The following ZNF804B variants were observed in gnomAD, a reference collection of about 807,000 sequenced individuals.
ZNF804B encodes zinc finger 804B.
Under a neutral mutation model 101.4 loss-of-function variants are expected in ZNF804B, and 80 were observed. The ratio of observed to expected loss-of-function variants is 0.79; its 90% CI spans 0.66 to 0.95. The LOEUF is 0.95. ZNF804B is among the 40% of genes least tolerant of loss of function. The pLI, the probability that ZNF804B is intolerant of heterozygous loss-of-function variation, is 0.00. For missense variants in ZNF804B, 1,673 were observed against 1,561.9 expected, an observed-to-expected ratio of 1.07 and a Z score of -1.20; for synonymous variants, 622 against 558.8, an observed-to-expected ratio of 1.11 and a Z score of -1.59.
chr7:88,808,541 A>G (rs1790727608), intron 1 of ZNF804B, among the ~76,000 whole-genome samples: 1 of 152,096 alleles, frequency 6.6e-6, no homozygotes, highest in Non-Finnish European at 1.5e-5. Flanking sequence ...CTCTAAATTG[A>G]ACAGTGTACT....
chr7:89,176,365 T>G (rs1791317715), intron 1 of ZNF804B, among the ~76,000 whole-genome samples: 1 of 151,998 alleles, frequency 6.6e-6, no homozygotes, highest in African/African-American at 2.4e-5. Flanking sequence ...TATGATTGTG[T>G]TTTTCATTCT....
At chr7:89,303,587 C>T (rs1049439669) in intron 2 of ZNF804B, among the ~76,000 whole-genome samples, 1 of 151,856 alleles carries the variant, frequency 6.6e-6, no homozygotes, top group African/African-American at 2.4e-5. Flanking sequence ...TTATCTTAAA[C>T]ATCAGGATGT....
At chr7:88,865,680 C>G (rs1014249287) in intron 1 of ZNF804B, among the ~76,000 whole-genome samples, 3 of 152,194 alleles carry the variant, frequency 2.0e-5, no homozygotes, top group Non-Finnish European at 4.4e-5. Flanking sequence ...CTATGCCTCA[C>G]CCTTGACACA....
chr7:89,098,823 A>T (rs972370266), intron 1 of ZNF804B, among the ~76,000 whole-genome samples: 2 of 151,798 alleles, frequency 1.3e-5, no homozygotes, highest in African/African-American at 4.8e-5. Context: ...GCCAAAATAA[A>T]TAAGTTAATA....
At chr7:88,981,496 G>A (rs1437203284) in intron 1 of ZNF804B, among the ~76,000 whole-genome samples, 1 of 152,010 alleles carries the variant, frequency 6.6e-6, no homozygotes, top group African/African-American at 2.4e-5. Flanking sequence ...TCCCTTGACT[G>A]CCTAGCTGGT....
In ZNF804B at chr7:88,903,513, A is replaced by T. The variant is rs193224146; in HGVS notation, c.108+143429A>T. ...TTGAATCGTAGTTCTGTTGGAAGTT[A>T]TTTGAGAAATCTCCAAAACTGCTTT... On this transcript the variant is annotated intron_variant, in intron 1 of 3. Coordinates refer to ENST00000333190, the MANE Select transcript of ZNF804B (RefSeq NM_181646.5). 1.6e-4 allele frequency among the ~76,000 whole-genome samples: 25 copies of T among 152,200 alleles called. No homozygotes were observed. In the East Asian group the frequency reaches 4.6e-3, roughly 28 times the overall value.
chr7:89,218,167 A>C lies in ZNF804B; in HGVS notation c.121A>C (p.Lys41Gln). 5.6e-6 allele frequency: 9 copies of C among 1,612,232 alleles called. No homozygotes were observed. The highest frequency in any genetic ancestry group is 7.6e-6 in the Non-Finnish European group (9 of 1,179,420). ...NGSPSPDFAE[K>Q]KSTAKALEDV... ...TTTTTTCTTAAAGGATTTTGCAGAA[A>C]AGAAGTCCACAGCAAAGGCCCTGGA... The change falls in exon 2 of 4, where the codon AAG becomes CAG. Residue 41 changes from lysine to glutamine, a missense_variant. By Grantham distance (53) the Lys-to-Gln change is moderately conservative. Transcript: ENST00000333190.
At chr7:89,077,370 A>C (rs946296505) in intron 1 of ZNF804B, among the ~76,000 whole-genome samples, 1 of 152,156 alleles carries the variant, frequency 6.6e-6, no homozygotes, top group Admixed American at 6.6e-5. Flanking sequence ...TCAAATGTAG[A>C]TGTTTCTGAT....
chr7:89,014,801 G>C (rs995906712), intron 1 of ZNF804B, among the ~76,000 whole-genome samples: 1 of 152,092 alleles, frequency 6.6e-6, no homozygotes, highest in African/African-American at 2.4e-5. Context: ...CATTTCATAG[G>C]TTGGCTTTCC....
intron 2 of ZNF804B, among the ~76,000 whole-genome samples, chr7:89,280,549 G>C (rs1011722761): frequency 1.3e-5 from 2 of 151,968 alleles, no homozygotes; most frequent in Non-Finnish European, 2.9e-5. Context: ...TCAAATAGAC[G>C]CAATAAAAAA....
intron 1 of ZNF804B, among the ~76,000 whole-genome samples, chr7:89,080,832 A>C (rs369708498): frequency 6.6e-6 from 1 of 151,978 alleles, no homozygotes; most frequent in Admixed American, 6.6e-5. Flanking sequence ...GCTTTTTGTC[A>C]TAATAAGGAA....
chr7:89,227,434 T>C (rs6975589), intron 2 of ZNF804B, among the ~76,000 whole-genome samples: 108,730 of 152,066 alleles, frequency 0.72, 39,587 homozygotes, highest in African/African-American at 0.78. Flanking sequence ...AGATTCATTA[T>C]GGAGTGAACC....
At chr7:88,891,844 CT>C (rs1562824400) in intron 1 of ZNF804B, among the ~76,000 whole-genome samples, 1 of 152,004 alleles carries the variant, frequency 6.6e-6, no homozygotes, top group Non-Finnish European at 1.5e-5. Context: ...CACCCATTAA[CT>C]CATCATTTAC....
intron 1 of ZNF804B, among the ~76,000 whole-genome samples, chr7:89,166,833 G>A (rs757272398): frequency 1.3e-5 from 2 of 152,156 alleles, no homozygotes; most frequent in Non-Finnish European, 2.9e-5. Context: ...CACCACAATA[G>A]TAGTAGGAGA....
chr7:89,215,219 T>TA (rs1342110733), intron 1 of ZNF804B, among the ~76,000 whole-genome samples: 2 of 152,218 alleles, frequency 1.3e-5, no homozygotes, highest in African/African-American at 4.8e-5. Context: ...TAGTTTAGTC[T>TA]AACGACCTTG....
At chr7:89,300,004 C>T (rs1273971092) in intron 2 of ZNF804B, among the ~76,000 whole-genome samples, 1 of 151,666 alleles carries the variant, frequency 6.6e-6, no homozygotes, top group African/African-American at 2.4e-5. Flanking sequence ...TAAGTATTCC[C>T]CAGCTAGCTC....
At chr7:89,077,443 T>C (rs1789632339) in intron 1 of ZNF804B, among the ~76,000 whole-genome samples, 1 of 152,156 alleles carries the variant, frequency 6.6e-6, no homozygotes, top group South Asian at 2.1e-4. Flanking sequence ...AATTACAATC[T>C]TATTTAGAGC....
intron 1 of ZNF804B, among the ~76,000 whole-genome samples, chr7:89,055,671 A>G (rs1415123159): frequency 6.6e-6 from 1 of 152,102 alleles, no homozygotes; most frequent in East Asian, 1.9e-4. Flanking sequence ...CACACATGCG[A>G]GTGAACACTG....
chr7:89,115,135 A>G (rs1183308740), intron 1 of ZNF804B, among the ~76,000 whole-genome samples: 5 of 152,144 alleles, frequency 3.3e-5, no homozygotes, highest in Non-Finnish European at 1.5e-5. Flanking sequence ...AATCAAGGTC[A>G]AGCACATTTA....
Sources: allele counts gnomAD v4.1 joint callset (sites outside exome capture counted in the v4.1 genomes callset), GRCh38; gene constraint gnomAD v4.1.1; transcripts MANE v1.5; gene names NCBI Gene and HGNC (gene_info 2026-07-23, HGNC 2026-07-21).